Variants in PTPRD observed in about 807,000 individuals in gnomAD.
The protein encoded by PTPRD is protein tyrosine phosphatase receptor type D.
PTPRD carries 34 observed loss-of-function variants against 214.5 expected under a neutral mutation model. The ratio of observed to expected loss-of-function variants is 0.16; its 90% confidence interval spans 0.12 to 0.21. The LOEUF is 0.21. Among genes scored for constraint, PTPRD ranks in the 10% least tolerant of loss-of-function variants. PTPRD has a pLI of 1.00. For missense variants in PTPRD, 2,545 were observed against 2,398.7 expected (o/e 1.06, Z -1.27); for synonymous variants, 1,128 against 845.7 (o/e 1.33, Z -5.79).
intron 2 of PTPRD, among the ~76,000 whole-genome samples, chr9:10,531,137 AC>A (rs1442670736): frequency 6.6e-6 from 1 of 151,992 alleles, no homozygotes; most frequent in Non-Finnish European, 1.5e-5. Context: ...TTTAGTAGAG[AC>A]GGGGTTTCAC....
intron 10 of PTPRD, among the ~76,000 whole-genome samples, chr9:9,041,063 C>T (rs890592286): frequency 6.6e-6 from 1 of 152,048 alleles, no homozygotes; most frequent in African/African-American, 2.4e-5. Context: ...ACTGAATTTA[C>T]TGCTATGTAA....
At chr9:10,092,833 A>T (rs2098445944) in intron 3 of PTPRD, among the ~76,000 whole-genome samples, 1 of 151,476 alleles carries the variant, frequency 6.6e-6, no homozygotes. Context: ...AACAAAGTTG[A>T]CAAAATAAGC....
intron 4 of PTPRD, among the ~76,000 whole-genome samples, chr9:9,985,020 A>G (rs915702927): frequency 6.6e-6 from 1 of 152,222 alleles, no homozygotes; most frequent in Admixed American, 6.5e-5. Flanking sequence ...ATCACACAGC[A>G]TATATTAAGG....
At chr9:8,475,856 C>A (rs1169434101) in intron 30 of PTPRD, among the ~76,000 whole-genome samples, 1 of 152,220 alleles carries the variant, frequency 6.6e-6, no homozygotes, top group Non-Finnish European at 1.5e-5. Context: ...TATGCCCAGA[C>A]TGTGACCTTA....
intron 10 of PTPRD, among the ~76,000 whole-genome samples, chr9:9,174,885 C>G (rs1324061366): frequency 6.6e-6 from 1 of 152,018 alleles, no homozygotes; most frequent in African/African-American, 2.4e-5. Context: ...AATTCATAAT[C>G]TGAAGCCTGA....
chr9:9,055,204 G>A lies in PTPRD; in HGVS notation c.-142-36469C>T, dbSNP rs550066686. Reference sequence around the variant, plus strand: ...AACATGTATAAAGGTATTCATTGCAGCATTGCTTATAAGAGCCACCATCAG... The same window carrying A: ...AACATGTATAAAGGTATTCATTGCAACATTGCTTATAAGAGCCACCATCAG... On this transcript the variant is annotated intron_variant, in intron 10 of 45. Transcript: ENST00000381196. Among the ~76,000 whole-genome samples the A allele has an allele frequency of 1.6e-4, 25 of 152,192 alleles. No individual in the cohort carries two copies. The South Asian group carries it at 2.7e-3, about 16-fold the overall frequency.
chr9:10,030,408 C>T (rs1346938522), intron 4 of PTPRD, among the ~76,000 whole-genome samples: 4 of 152,068 alleles, frequency 2.6e-5, no homozygotes, highest in African/African-American at 7.2e-5. Flanking sequence ...AATGTGCTAT[C>T]GAATAGATAT....
chr9:9,188,269 A>G (rs184370953), intron 9 of PTPRD, among the ~76,000 whole-genome samples: 6 of 152,198 alleles, frequency 3.9e-5, no homozygotes, highest in East Asian at 1.9e-4. Context: ...TTTTGTAACT[A>G]TTCTATTGCT....
At chr9:8,547,668 G>A (rs2080653786) in intron 14 of PTPRD, among the ~76,000 whole-genome samples, 1 of 149,452 alleles carries the variant, frequency 6.7e-6, no homozygotes, top group South Asian at 2.1e-4. Context: ...AAAAGAGAGT[G>A]ACTATTATTT....
intron 2 of PTPRD, among the ~76,000 whole-genome samples, chr9:10,574,329 G>A (rs1339979751): frequency 2.6e-5 from 4 of 152,014 alleles, no homozygotes; most frequent in African/African-American, 4.8e-5. Context: ...AGGTTGTCAG[G>A]AAAGCATAAG....
chr9:8,694,557 G>C (rs1247912408), intron 12 of PTPRD, among the ~76,000 whole-genome samples: 1 of 152,004 alleles, frequency 6.6e-6, no homozygotes, highest in Non-Finnish European at 1.5e-5. Flanking sequence ...ACCAGCAGAA[G>C]ATAAAAATGA....
At chr9:8,900,862 T>C (rs2098662934) in intron 11 of PTPRD, among the ~76,000 whole-genome samples, 1 of 152,206 alleles carries the variant, frequency 6.6e-6, no homozygotes, top group African/African-American at 2.4e-5. Context: ...GTAGGCATAT[T>C]GATATAATAT....
intron 9 of PTPRD, among the ~76,000 whole-genome samples, chr9:9,218,709 G>A (rs888885538): frequency 6.6e-6 from 1 of 152,006 alleles, no homozygotes; most frequent in Non-Finnish European, 1.5e-5. Flanking sequence ...CTAAATCTGG[G>A]ACTTTTGTGT....
intron 3 of PTPRD, among the ~76,000 whole-genome samples, chr9:10,302,995 A>C (rs1159631580): frequency 6.6e-6 from 1 of 152,130 alleles, no homozygotes; most frequent in Non-Finnish European, 1.5e-5. Flanking sequence ...TTCTAAAATT[A>C]ACCACATAAG....
rs1376771318 is a variant in PTPRD at position 8,485,987 on chromosome 9, G to A, written c.2830C>T (p.Leu944=). ...SVQLSWQPPV[L]AERNGIITKY... ...GTGATAATGCCATTTCTCTCTGCCA[G>A]GACAGGTGGTTGCCAAGATAACTGG... is the stretch of plus-strand genomic sequence containing the variant. Residue 944 remains leucine (L), a synonymous_variant, in exon 28 of 46, where the codon CTG becomes TTG. Coordinates refer to ENST00000381196, the MANE Select transcript of PTPRD (RefSeq NM_002839.4). 52 of 1,614,074 alleles carry A rather than the reference G, an allele frequency of 3.2e-5. No individual in the cohort carries two copies. The highest frequency in any genetic ancestry group is 4.3e-5 in the Non-Finnish European group (51 of 1,180,034).
intron 30 of PTPRD, among the ~76,000 whole-genome samples, chr9:8,480,953 C>G (rs979448108): frequency 4.6e-5 from 7 of 151,772 alleles, no homozygotes; most frequent in African/African-American, 1.7e-4. Flanking sequence ...ACCTGGCTAA[C>G]ATGGTGAAAT....
intron 14 of PTPRD, among the ~76,000 whole-genome samples, chr9:8,620,554 G>C (rs1489218355): frequency 1.3e-5 from 2 of 151,976 alleles, no homozygotes; most frequent in African/African-American, 2.4e-5. Context: ...AGAGGAGATA[G>C]AAACCTTGAC....
chr9:8,382,425 C>A (rs974894777), intron 37 of PTPRD, among the ~76,000 whole-genome samples: 6 of 152,312 alleles, frequency 3.9e-5, no homozygotes, highest in African/African-American at 1.4e-4. Context: ...GTTGCATCTC[C>A]TCCTCCCATT....
chr9:10,016,158 G>A (rs1189717572), intron 4 of PTPRD, among the ~76,000 whole-genome samples: 1 of 152,162 alleles, frequency 6.6e-6, no homozygotes, highest in Non-Finnish European at 1.5e-5. Context: ...ACAATTTTGG[G>A]AGGTTTGTAT....
Sources: gnomAD v4.1 joint callset for allele counts (sites outside exome capture counted in the v4.1 genomes callset) on GRCh38, gnomAD v4.1.1 for gene constraint, MANE v1.5 for transcripts, NCBI Gene and HGNC (gene_info 2026-07-23, HGNC 2026-07-21) for gene names.